LCORL: variants seen among roughly 807,000 people sequenced by gnomAD.
The protein encoded by LCORL is ligand dependent nuclear receptor corepressor like.
LCORL carries 41 observed loss-of-function variants against 141.8 expected under a neutral mutation model. The ratio of observed to expected loss-of-function variants is 0.29; its 90% CI spans 0.23 to 0.38. The LOEUF is 0.38. Ranked by LOEUF, LCORL falls within the 10% of genes least tolerant of loss-of-function variation. LCORL has a pLI of 1.00. For synonymous variants in LCORL, 618 were observed against 694.1 expected, an observed-to-expected ratio of 0.89 and a Z score of 1.72; for missense variants, 1,759 against 2,035.0, an observed-to-expected ratio of 0.86 and a Z score of 2.61.
intron 1 of LCORL, among the ~76,000 whole-genome samples, chr4:17,990,751 C>T (rs1389835104): frequency 6.6e-6 from 1 of 151,556 alleles, no homozygotes; most frequent in Admixed American, 6.6e-5. Context: ...AGGGCCTCAG[C>T]CCGGTCCTGG....
chr4:17,855,612 C>T (rs538002606), intron 7 of LCORL, among the ~76,000 whole-genome samples: 22 of 152,270 alleles, frequency 1.4e-4, no homozygotes, highest in Admixed American at 2.6e-4. Flanking sequence ...GCCTTACCCA[C>T]GTGATTTGCT....
At chr4:17,925,808 T>C (rs922610591) in intron 4 of LCORL, among the ~76,000 whole-genome samples, 6 of 144,760 alleles carry the variant, frequency 4.1e-5, no homozygotes, top group African/African-American at 8.0e-5. Context: ...GAGGTGGAGG[T>C]TGCAGTGAGC....
At chr4:17,858,358 CA>C (rs1270146901) in intron 7 of LCORL, among the ~76,000 whole-genome samples, 1 of 151,372 alleles carries the variant, frequency 6.6e-6, no homozygotes, top group African/African-American at 2.4e-5. Flanking sequence ...AATCGCGTAT[CA>C]GTGACCTGTG....
At chr4:18,001,579 G>A (rs934099359) in intron 1 of LCORL, among the ~76,000 whole-genome samples, 1 of 152,052 alleles carries the variant, frequency 6.6e-6, no homozygotes, top group Non-Finnish European at 1.5e-5. Context: ...AAGAAGAAAG[G>A]GGCTACCAAT....
At chr4:18,006,215 T>C (rs1722784216) in intron 1 of LCORL, among the ~76,000 whole-genome samples, 1 of 152,136 alleles carries the variant, frequency 6.6e-6, no homozygotes, top group South Asian at 2.1e-4. Context: ...TGCTAAAACA[T>C]AAAAAGAGTC....
intron 5 of LCORL, among the ~76,000 whole-genome samples, chr4:17,895,048 A>G (rs1049004375): frequency 3.1e-4 from 47 of 149,896 alleles, no homozygotes; most frequent in African/African-American, 1.1e-3. Context: ...ATATAAAAAA[A>G]GTTTTATTGG....
intron 4 of LCORL, among the ~76,000 whole-genome samples, chr4:17,945,522 CTCCCTT>C (rs1024552941): frequency 6.6e-6 from 1 of 151,880 alleles, no homozygotes; most frequent in African/African-American, 2.4e-5. Context: ...CCCTCCTTTT[CTCCCTT>C]TCCAAGTAAA....
chr4:17,929,376 G>A (rs573103713), intron 4 of LCORL, among the ~76,000 whole-genome samples: 123 of 152,178 alleles, frequency 8.1e-4, no homozygotes, highest in African/African-American at 2.8e-3. Flanking sequence ...TAATTTCAAA[G>A]CTTACTATAA....
At chr4:17,994,076 A>C (rs888286729) in intron 1 of LCORL, among the ~76,000 whole-genome samples, 1 of 152,208 alleles carries the variant, frequency 6.6e-6, no homozygotes, top group Non-Finnish European at 1.5e-5. Context: ...TGGGGCATAA[A>C]TTAAACAAAT....
intron 4 of LCORL, among the ~76,000 whole-genome samples, chr4:17,928,620 G>A (rs182042489): frequency 5.1e-4 from 78 of 152,194 alleles, no homozygotes; most frequent in Admixed American, 1.2e-3. Flanking sequence ...AAAATCCACT[G>A]GAAACATGGT....
intron 7 of LCORL, among the ~76,000 whole-genome samples, chr4:17,851,420 CTG>C (rs1427671158): frequency 1.3e-5 from 2 of 152,116 alleles, no homozygotes; most frequent in Non-Finnish European, 2.9e-5. Flanking sequence ...ATGTAGGTAT[CTG>C]TGTTTCAACT....
At position 17,875,653 on chromosome 4, in the gene LCORL, G is replaced by A; in HGVS notation, c.3337C>T (p.Gln1113Ter). 1 of 1,231,268 alleles carries A rather than the reference G, an allele frequency of 8.1e-7. No individual in the cohort carries two copies. The highest frequency in any genetic ancestry group is 1.0e-6 in the Non-Finnish European group (1 of 987,396). 76.3% of individuals were successfully genotyped at this position (1,231,268 alleles called of 1,614,324 possible). A position where few individuals can be genotyped will look rare whatever the true frequency, so the allele number is the denominator to read the frequency against. The change falls in exon 7 of 8, where the codon CAG (glutamine) becomes TAG (stop). Residue 1113 changes from glutamine (Q) to a stop codon, truncating the protein, a stop_gained. Transcript: ENST00000635767. LOFTEE classifies it high-confidence loss of function. ...CTTCCAGCACTAAAGGGCTCATTCT[G>A]GCAAACAGTGATGTTTGTTTGATCA... is the stretch of plus-strand genomic sequence containing the variant.
At chr4:17,917,196 T>C (rs1478099311) in intron 4 of LCORL, among the ~76,000 whole-genome samples, 1 of 151,500 alleles carries the variant, frequency 6.6e-6, no homozygotes, top group Admixed American at 6.6e-5. Context: ...TGAGTTTTTT[T>C]TGTTTTGTTT....
chr4:17,956,581 T>C (rs1028304123), intron 4 of LCORL, among the ~76,000 whole-genome samples: 5 of 151,974 alleles, frequency 3.3e-5, no homozygotes, highest in Admixed American at 6.6e-5. Flanking sequence ...TTCTCATTCA[T>C]ATGTGGGAGC....
chr4:17,985,722 T>A (rs1018628861), intron 1 of LCORL, among the ~76,000 whole-genome samples: 3 of 152,136 alleles, frequency 2.0e-5, no homozygotes, highest in Non-Finnish European at 2.9e-5. Context: ...TCCAGATTGC[T>A]ACTCTCTACT....
intron 7 of LCORL, among the ~76,000 whole-genome samples, chr4:17,849,396 G>A (rs575933157): frequency 6.6e-6 from 1 of 152,318 alleles, no homozygotes; most frequent in African/African-American, 2.4e-5. Flanking sequence ...AGCCACCGCT[G>A]CTGTTACCCA....
chr4:17,951,108 G>A (rs1298740861), intron 4 of LCORL, among the ~76,000 whole-genome samples: 1 of 152,142 alleles, frequency 6.6e-6, no homozygotes, highest in African/African-American at 2.4e-5. Context: ...AAACAGCAAT[G>A]GGCGCTAAAG....
intron 1 of LCORL, among the ~76,000 whole-genome samples, chr4:18,003,385 G>C (rs1200119070): frequency 1.3e-5 from 2 of 152,244 alleles, no homozygotes; most frequent in Non-Finnish European, 2.9e-5. Flanking sequence ...TGGCATAGCA[G>C]ATGAGAAGGA....
chr4:17,878,084 G>T, exon 7 of LCORL: 1 of 1,230,528 alleles, frequency 8.1e-7, no homozygotes, highest in Non-Finnish European at 1.0e-6. Flanking sequence ...TCTGCTCTTG[G>T]ACTAGAAATT....
Sources: gnomAD v4.1 joint callset for allele counts (sites outside exome capture counted in the v4.1 genomes callset) on GRCh38, gnomAD v4.1.1 for gene constraint, MANE v1.5 for transcripts, NCBI Gene and HGNC (gene_info 2026-07-23, HGNC 2026-07-21) for gene names.